The following SLC25A40 variants were observed in gnomAD, a reference collection of about 807,000 sequenced individuals.
The protein encoded by SLC25A40 is solute carrier family 25 member 40.
SLC25A40 carries 41 observed loss-of-function variants against 46.5 expected under a neutral mutation model. That is an observed-to-expected ratio of 0.88 (90% confidence interval 0.69 to 1.14). The LOEUF (loss-of-function observed/expected upper bound fraction) is 1.14. Ranked by LOEUF, SLC25A40 falls within the 50% of genes most tolerant of loss-of-function variation. The pLI is 0.00. For synonymous variants in SLC25A40, 126 were observed against 127.5 expected (o/e 0.99, Z 0.08); for missense variants, 386 against 393.6 (o/e 0.98, Z 0.16).
At chr7:87,852,884 G>C (rs541144707) in intron 5 of SLC25A40, among the ~76,000 whole-genome samples, 1 of 152,040 alleles carries the variant, frequency 6.6e-6, no homozygotes, top group Non-Finnish European at 1.5e-5. Flanking sequence ...ATGGATCAAG[G>C]ACTTAAATAA....
intron 6 of SLC25A40, 56 bp from the exon 7 acceptor site, chr7:87,848,033 T>C: frequency 1.3e-6 from 2 of 1,539,212 alleles, no homozygotes; most frequent in Non-Finnish European, 1.7e-6. Context: ...CCACATAGTC[T>C]TAACTTAAAT....
At position 87,834,464 on chromosome 7, in the gene SLC25A40, T is replaced by C. The variant is rs1023480449; in HGVS notation, c.*1785A>G. The stretch of plus-strand genomic sequence containing the variant: ...TCAGCCTTCTATTCATCCAGATACA[T>C]TGCATGTATATGTGTTAAAAAAACG... On this transcript the variant is annotated 3_prime_UTR_variant, in exon 12 of 12. Coordinates refer to ENST00000341119, the MANE Select transcript of SLC25A40 (RefSeq NM_018843.4). 2.0e-5 allele frequency: 3 copies of C among 151,592 alleles called. No homozygotes were observed. Among genetic ancestry groups the C allele is most frequent in the East Asian group, 1.9e-4 (1 of 5,194 alleles). 9.4% of individuals were successfully genotyped at this position (151,592 alleles called of 1,614,324 possible).
At chr7:87,836,930 T>C (rs987594881) in intron 10 of SLC25A40, 120 bp from the exon 11 acceptor site, 6 of 508,266 alleles carry the variant, frequency 1.2e-5, no homozygotes, top group African/African-American at 2.0e-5. Context: ...AAGAAGAGGT[T>C]TGTTTACCTA....
rs188613625 is a variant in SLC25A40 at position 87,856,431 on chromosome 7, T to C, written c.98-80A>G. The C allele has an allele frequency of 5.8e-4, 599 of 1,038,050 alleles. 1 individual carries two copies. The African/African-American group carries it at 7.5e-3, about 13-fold the overall frequency. The allele number at this position is 1,038,050 out of a possible 1,614,324, so 64.3% of individuals were successfully genotyped here. On this transcript the variant is annotated intron_variant, in intron 3 of 11. Coordinates refer to ENST00000341119, the MANE Select transcript of SLC25A40 (RefSeq NM_018843.4). ...TGTTTTACACAGAACACAAAATACA[T>C]TGATTCATACTTTTCCTCATGGCTA...
intron 6 of SLC25A40, among the ~76,000 whole-genome samples, chr7:87,849,657 C>A (rs986819485): frequency 6.6e-6 from 1 of 152,204 alleles, no homozygotes; most frequent in African/African-American, 2.4e-5. Context: ...TGTTTTCTAT[C>A]CTTTTGCTGT....
At chr7:87,856,206 T>C (rs1838611047) in intron 4 of SLC25A40, 86 bp downstream of exon 4, 25 of 1,180,668 alleles carry the variant, frequency 2.1e-5, no homozygotes, top group Non-Finnish European at 3.0e-5. Flanking sequence ...TTTAATAAAT[T>C]AGCAAATGAA....
chr7:87,848,048 A>C, intron 6 of SLC25A40, 71 bp from the exon 7 acceptor site: 1 of 1,480,316 alleles, frequency 6.8e-7, no homozygotes, highest in Non-Finnish European at 9.0e-7. Flanking sequence ...TTAAATTCAA[A>C]TATTATTATA....
intron 4 of SLC25A40, among the ~76,000 whole-genome samples, chr7:87,855,452 C>T (rs1332707723): frequency 6.6e-6 from 1 of 152,110 alleles, no homozygotes; most frequent in Non-Finnish European, 1.5e-5. Flanking sequence ...TGTAGTACAA[C>T]TTTCTCTAAT....
At chr7:87,855,161 CAAAAA>C (rs544710430) in intron 4 of SLC25A40, among the ~76,000 whole-genome samples, 1 of 54,484 alleles carries the variant, frequency 1.8e-5, no homozygotes. Context: ...GACCCAGTCT[CAAAAA>C]AAAAAAAAAA....
chr7:87,858,308 T>C (rs765257283), intron 3 of SLC25A40, among the ~76,000 whole-genome samples: 1 of 152,190 alleles, frequency 6.6e-6, no homozygotes, highest in Non-Finnish European at 1.5e-5. Context: ...CTCAGAAGCA[T>C]GTGATTTTTG....
chr7:87,859,186 G>A (rs1256867983), intron 2 of SLC25A40, among the ~76,000 whole-genome samples: 4 of 152,156 alleles, frequency 2.6e-5, no homozygotes, highest in African/African-American at 9.7e-5. Flanking sequence ...CAGGCGTGGT[G>A]GCTCACACCT....
rs1361481589 is a variant in SLC25A40 at position 87,876,104 on chromosome 7, G to A, written c.-102C>T. The A allele has an allele frequency of 6.5e-6, 1 of 152,726 alleles. No individual in the cohort carries two copies. The highest frequency in any genetic ancestry group is 1.5e-5 in the Non-Finnish European group (1 of 68,428). 9.5% of individuals were successfully genotyped at this position (152,726 alleles called of 1,614,324 possible). On this transcript the variant is annotated 5_prime_UTR_variant, in exon 1 of 12. Transcript: ENST00000341119. The stretch of plus-strand genomic sequence containing the variant: ...GTGGAAAATTAGCATACCTGGGGCA[G>A]AAGGCAGCTGCAGGGCCGGCAGTCC...
intron 6 of SLC25A40, 70 bp downstream of exon 6, chr7:87,849,811 C>T (rs1315661313): frequency 1.8e-6 from 2 of 1,142,844 alleles, no homozygotes; most frequent in Non-Finnish European, 1.2e-6. Context: ...AAGACTTTGT[C>T]CAACCATGCT....
At chr7:87,843,706 TACA>T (rs1838369246) in intron 9 of SLC25A40, 45 bp downstream of exon 9, 6 of 1,439,070 alleles carry the variant, frequency 4.2e-6, no homozygotes, top group East Asian at 2.3e-5. Flanking sequence ...TTTGTTTTAA[TACA>T]ACAATTATTC....
intron 1 of SLC25A40, among the ~76,000 whole-genome samples, chr7:87,862,610 A>G (rs1293880369): frequency 1.3e-5 from 2 of 152,210 alleles, no homozygotes; most frequent in South Asian, 2.1e-4. Flanking sequence ...CAGAATTTTC[A>G]ATTTTTTCAA....
At chr7:87,848,130 T>C (rs1201042851) in intron 6 of SLC25A40, among the ~76,000 whole-genome samples, 153 bp from the exon 7 acceptor site, 2 of 152,276 alleles carry the variant, frequency 1.3e-5, no homozygotes, top group Non-Finnish European at 2.9e-5. Context: ...TCAATTTTTC[T>C]TTTAGTTTAA....
At chr7:87,850,097 A>C (rs917862958) in intron 5 of SLC25A40, 149 bp from the exon 6 acceptor site, 5 of 560,488 alleles carry the variant, frequency 8.9e-6, no homozygotes, top group Non-Finnish European at 1.2e-5. Flanking sequence ...ATTCTTTTTA[A>C]AAAGGGAATT....
rs528360860 is a variant in SLC25A40, at chr7:87,855,148, T to C, written c.158-838A>G. ...CTACACTCCAGCCTGGGTGACAGAG[T>C]AAGACCCAGTCTCAAAAAAAAAAAA... On this transcript the variant is annotated intron_variant, in intron 4 of 11. Coordinates refer to ENST00000341119, the MANE Select transcript of SLC25A40 (RefSeq NM_018843.4). 2.5e-5 allele frequency among the ~76,000 whole-genome samples: 3 copies of C among 118,594 alleles called. No homozygotes were observed. The East Asian group carries it at 7.2e-4, about 29-fold the overall frequency. The allele number at this position is 118,594 out of a possible 152,430, so 77.8% of individuals were successfully genotyped here.
At chr7:87,871,719 T>G (rs1838898819) in intron 1 of SLC25A40, among the ~76,000 whole-genome samples, 1 of 152,224 alleles carries the variant, frequency 6.6e-6, no homozygotes, top group South Asian at 2.1e-4. Flanking sequence ...GTTAAATTTT[T>G]GCTAAGAATT....
Sources: allele counts gnomAD v4.1 joint callset (sites outside exome capture counted in the v4.1 genomes callset), GRCh38; gene constraint gnomAD v4.1.1; transcripts MANE v1.5; gene names NCBI Gene and HGNC (gene_info 2026-07-23, HGNC 2026-07-21).